Variants in IL6ST observed in about 807,000 individuals in gnomAD.
IL6ST encodes interleukin 6 cytokine family signal transducer, also known as interleukin-6 receptor subunit beta.
In IL6ST, 24 loss-of-function variants were observed where a neutral mutation model predicts 91.3. The ratio of observed to expected loss-of-function variants is 0.26; its 90% CI spans 0.19 to 0.37. The LOEUF (loss-of-function observed/expected upper bound fraction) is 0.37, where lower values mean the gene tolerates loss of function less well. Ranked by LOEUF, IL6ST falls within the 10% of genes least tolerant of loss-of-function variation. IL6ST has a pLI of 1.00. For missense variants in IL6ST, 914 were observed against 1,078.5 expected, an observed-to-expected ratio of 0.85 and a Z score of 2.14; for synonymous variants, 351 against 373.6, an observed-to-expected ratio of 0.94 and a Z score of 0.70.
At position 55,984,388 on chromosome 5, in the gene IL6ST, T is replaced by C. The variant is rs377736610; in HGVS notation, c.-103-1577A>G. 2.0e-5 allele frequency among the ~76,000 whole-genome samples: 3 copies of C among 152,344 alleles called. No individual in the cohort carries two copies. The East Asian group carries it at 5.8e-4, about 29-fold the overall frequency. The stretch of plus-strand genomic sequence containing the variant: ...CAAAATGTTACTCTATGGGCAGATT[T>C]AATTGGATGTTATAGTGGAGTATAA... On this transcript the variant is annotated intron_variant, in intron 1 of 16. Transcript: ENST00000381298.
At position 55,960,555 on chromosome 5, in the gene IL6ST, G is replaced by C. The variant is rs369630533; in HGVS notation, c.820C>G (p.Pro274Ala). The C allele has an allele frequency of 4.7e-5, 76 of 1,610,436 alleles. 1 individual carries two copies. Among genetic ancestry groups the C allele is most frequent in the Non-Finnish European group, 6.0e-5 (71 of 1,178,830 alleles). Reference protein sequence around the residue: ...KDASTWSQIPPEDTASTRSSF... With the variant: ...KDASTWSQIPAEDTASTRSSF... Reference sequence around the variant, plus strand: ...GATCGGGTGGATGCTGTGTCTTCAGGAGGAATCTGAAACAAAGCAAACCAA... The same window carrying C: ...GATCGGGTGGATGCTGTGTCTTCAGCAGGAATCTGAAACAAAGCAAACCAA... The change falls in exon 8 of 17, where the codon CCT (proline) becomes GCT (alanine). Residue 274 changes from proline (P) to alanine (A), a missense_variant. By Grantham distance (27) the Pro-to-Ala change is conservative. Transcript: ENST00000381298.
intron 3 of IL6ST, among the ~76,000 whole-genome samples, chr5:55,971,137 T>A (rs1055645687): frequency 6.6e-6 from 1 of 152,194 alleles, no homozygotes; most frequent in Non-Finnish European, 1.5e-5. Context: ...TGTATCATAA[T>A]CTTTTCAAAC....
rs370724076 is a variant in IL6ST, at chr5:55,940,135, A to ATATGTGTGTGTGTG, written c.*946_*947insCACACACACACATA. On this transcript the variant is annotated 3_prime_UTR_variant, in exon 17 of 17. Coordinates refer to ENST00000381298, the MANE Select transcript of IL6ST (RefSeq NM_002184.4). ...AGAAAAGTCAATGATATGTGTGTGT[A>ATATGTGTGTGTGTG]TATATATATATATATATACACACAT... is the stretch of plus-strand genomic sequence containing the variant. 85 of 164,522 alleles carry ATATGTGTGTGTGTG rather than the reference A, an allele frequency of 5.2e-4. No individual in the cohort carries two copies. Among genetic ancestry groups the ATATGTGTGTGTGTG allele is most frequent in the Non-Finnish European group, 7.7e-4 (66 of 85,296 alleles). 10.2% of individuals were successfully genotyped at this position (164,522 alleles called of 1,614,324 possible). A position where few individuals can be genotyped will look rare whatever the true frequency, so the allele number is the denominator to read the frequency against.
rs201116242 is a variant in IL6ST at position 55,949,575 on chromosome 5, A to G, written c.1840+1889T>C. 1.1e-4 allele frequency among the ~76,000 whole-genome samples: 16 copies of G among 152,324 alleles called. No homozygotes were observed. The East Asian group carries it at 2.9e-3, about 28-fold the overall frequency. ...CTCTGTAGAGATGGCTGGTCTCCAC[A>G]GAAATACATAAAATATACATTTTTA... On this transcript the variant is annotated intron_variant, in intron 14 of 16. Transcript: ENST00000381298.
At chr5:55,984,767 T>C (rs910703776) in intron 1 of IL6ST, among the ~76,000 whole-genome samples, 1 of 151,968 alleles carries the variant, frequency 6.6e-6, no homozygotes, top group African/African-American at 2.4e-5. Flanking sequence ...TTTAAGTATA[T>C]AATGCAAATA....
At chr5:55,958,658 C>T (rs1215023754) in intron 8 of IL6ST, among the ~76,000 whole-genome samples, 1 of 151,742 alleles carries the variant, frequency 6.6e-6, no homozygotes, top group Non-Finnish European at 1.5e-5. Context: ...GGCACCATGA[C>T]AAAACCTTGT....
chr5:55,941,207 C>G lies in IL6ST; in HGVS notation c.2632G>C (p.Gly878Arg), dbSNP rs771304811. 10 of 1,614,010 alleles carry G rather than the reference C, an allele frequency of 6.2e-6. No homozygotes were observed. The Admixed American group carries it at 1.7e-4, about 27-fold the overall frequency. Residue 878 changes from glycine (G) to arginine (R), a missense_variant, in exon 17 of 17, where the codon GGT becomes CGT. By Grantham distance (125) the Gly-to-Arg change is moderately radical (BLOSUM62 -2). Coordinates refer to ENST00000381298, the MANE Select transcript of IL6ST (RefSeq NM_002184.4). ...TCTACTTGTCCCTCAGTACCTGGACCAAAAGCATCTGCTGCAGAAACTTCC... is the reference window on the plus strand; with the variant it reads ...TCTACTTGTCCCTCAGTACCTGGACGAAAAGCATCTGCTGCAGAAACTTCC... ...FQEVSAADAFGPGTEGQVERF... is the reference protein window; with the variant it reads ...FQEVSAADAFRPGTEGQVERF...
In IL6ST at chr5:55,976,282, G is replaced by A; in HGVS notation, c.-4C>T. ...GCCAAGTCTGCAACGTCAACATCTTGCGCGGATATTTCTGCAACAGACACA... is the reference window on the plus strand; with the variant it reads ...GCCAAGTCTGCAACGTCAACATCTTACGCGGATATTTCTGCAACAGACACA... On this transcript the variant is annotated 5_prime_UTR_variant, in exon 3 of 17. Transcript: ENST00000381298. The A allele has an allele frequency of 6.3e-7, 1 of 1,578,114 alleles. No homozygotes were observed. The highest frequency in any genetic ancestry group is 8.6e-7 in the Non-Finnish European group (1 of 1,160,638).
chr5:55,969,497 A>G, intron 4 of IL6ST, 53 bp downstream of exon 4: 1 of 1,137,442 alleles, frequency 8.8e-7, no homozygotes, highest in Non-Finnish European at 1.3e-6. Context: ...AACATTAAAA[A>G]TGCAGTTCAA....
At chr5:55,961,688 G>A (rs11739853) in intron 7 of IL6ST, among the ~76,000 whole-genome samples, 13,394 of 151,578 alleles carry the variant, frequency 0.088, 669 homozygotes, top group Middle Eastern at 0.14. Flanking sequence ...AACTAGGGAG[G>A]TGGAAGTTGC....
chr5:55,985,124 T>C (rs1318645851), intron 1 of IL6ST, among the ~76,000 whole-genome samples: 4 of 152,244 alleles, frequency 2.6e-5, no homozygotes, highest in Admixed American at 2.6e-4. Flanking sequence ...TTTTCATTCT[T>C]TTAACAGTAT....
intron 1 of IL6ST, among the ~76,000 whole-genome samples, chr5:55,983,513 A>AGTTCACT (rs1753784015): frequency 6.6e-6 from 1 of 152,242 alleles, no homozygotes; most frequent in Non-Finnish European, 1.5e-5. Context: ...TTGTTCACTT[A>AGTTCACT]AATTCTAGCT....
At chr5:55,959,680 A>G (rs746790847) in intron 8 of IL6ST, 1 of 1,278,722 alleles carries the variant, frequency 7.8e-7, no homozygotes, top group African/African-American at 1.5e-5. Flanking sequence ...TGCTATTAGA[A>G]AAAAAATGAA....
At chr5:55,955,675 T>C (rs1262072683) in intron 10 of IL6ST, among the ~76,000 whole-genome samples, 3 of 137,028 alleles carry the variant, frequency 2.2e-5, no homozygotes, top group African/African-American at 1.0e-4. Context: ...CATGTAGTGA[T>C]GGAAATGTTC....
At chr5:55,955,962 C>T in intron 10 of IL6ST, 63 bp downstream of exon 10, 1 of 1,028,242 alleles carries the variant, frequency 9.7e-7, no homozygotes, top group South Asian at 1.3e-5. Flanking sequence ...TTATGGGAGC[C>T]CTGTCCATAC....
chr5:55,985,152 G>C (rs1580866159), intron 1 of IL6ST, among the ~76,000 whole-genome samples: 1 of 152,098 alleles, frequency 6.6e-6, no homozygotes, highest in South Asian at 2.1e-4. Context: ...CGAATAGGAG[G>C]TTTAATTTTA....
chr5:55,977,015 T>C (rs1376448410), intron 2 of IL6ST, among the ~76,000 whole-genome samples: 1 of 152,140 alleles, frequency 6.6e-6, no homozygotes, highest in Non-Finnish European at 1.5e-5. Context: ...TACTCAAATG[T>C]TCACAGCAGC....
chr5:55,949,800 A>C (rs1310980838), intron 14 of IL6ST, among the ~76,000 whole-genome samples: 1 of 152,194 alleles, frequency 6.6e-6, no homozygotes, highest in African/African-American at 2.4e-5. Context: ...GCAAGCATTC[A>C]ACCAACAAGG....
intron 7 of IL6ST, among the ~76,000 whole-genome samples, chr5:55,962,255 C>T (rs1752363445): frequency 6.6e-6 from 1 of 152,106 alleles, no homozygotes; most frequent in Non-Finnish European, 1.5e-5. Context: ...GTATTCTGAG[C>T]ACTTTAGATA....
Sources: allele counts gnomAD v4.1 joint callset (sites outside exome capture counted in the v4.1 genomes callset), GRCh38; gene constraint gnomAD v4.1.1; transcripts MANE v1.5; gene names NCBI Gene and HGNC (gene_info 2026-07-23, HGNC 2026-07-21).